Variants in DENND2B observed in about 807,000 individuals in gnomAD.
DENND2B encodes DENN domain-containing protein 2B.
In DENND2B, 32 loss-of-function variants were observed where a neutral mutation model predicts 116.0. The observed-to-expected ratio is 0.28, with a 90% CI of 0.21 to 0.37. The LOEUF is 0.37. Among genes scored for constraint, DENND2B ranks in the 10% least tolerant of loss-of-function variants. The pLI is 1.00. For missense variants in DENND2B, 1,276 were observed against 1,477.7 expected (o/e 0.86, Z 2.24); for synonymous variants, 588 against 583.9 (o/e 1.01, Z -0.10).
At chr11:8,900,423 T>C (rs1449948928) in intron 1 of DENND2B, among the ~76,000 whole-genome samples, 3 of 84,086 alleles carry the variant, frequency 3.6e-5, no homozygotes, top group African/African-American at 7.5e-5. Context: ...AGAGTGAGAC[T>C]CCATCTCAAA....
chr11:8,841,664 A>C (rs543864613), intron 3 of DENND2B, among the ~76,000 whole-genome samples: 2 of 152,104 alleles, frequency 1.3e-5, no homozygotes, highest in South Asian at 4.2e-4. Flanking sequence ...TAAAAGAAAA[A>C]CGTGTTTTGT....
At chr11:8,845,950 G>A (rs565678007) in intron 3 of DENND2B, among the ~76,000 whole-genome samples, 6 of 152,182 alleles carry the variant, frequency 3.9e-5, no homozygotes, top group Non-Finnish European at 5.9e-5. Flanking sequence ...AAAAATACAC[G>A]GTTTCTCTTC....
intron 4 of DENND2B, among the ~76,000 whole-genome samples, chr11:8,822,180 T>TA (rs11445320): frequency 0.26 from 39,257 of 152,078 alleles, 5,344 homozygotes; most frequent in South Asian, 0.36. Context: ...CTACATATTT[T>TA]AAATAATTTC....
intron 4 of DENND2B, among the ~76,000 whole-genome samples, chr11:8,832,779 A>G (rs556525957): frequency 2.6e-5 from 4 of 152,338 alleles, no homozygotes; most frequent in East Asian, 1.9e-4. Context: ...GATTCTGGCA[A>G]TTCAGGGATG....
At chr11:8,873,588 A>T (rs936265353), upstream of DENND2B, among the ~76,000 whole-genome samples, 1 of 152,194 alleles carries the variant, frequency 6.6e-6, no homozygotes, top group Non-Finnish European at 1.5e-5. Flanking sequence ...TATTTTAAAT[A>T]GTAGTAATTT....
intron 3 of DENND2B, chr11:8,839,459 C>G (rs913036224): frequency 6.6e-6 from 1 of 152,060 alleles, no homozygotes; most frequent in Non-Finnish European, 1.5e-5. Flanking sequence ...ATTAGAGGCT[C>G]TGATATTGAC....
chr11:8,829,518 A>G (rs2062121095), intron 4 of DENND2B, among the ~76,000 whole-genome samples: 1 of 152,154 alleles, frequency 6.6e-6, no homozygotes, highest in Non-Finnish European at 1.5e-5. Flanking sequence ...GAAGGACCCA[A>G]GGAGTCCATC....
intron 1 of DENND2B, among the ~76,000 whole-genome samples, chr11:8,760,445 C>T (rs1174759773): frequency 6.6e-6 from 1 of 152,148 alleles, no homozygotes. Flanking sequence ...GAGCGAGACC[C>T]TGTCTTTACT....
At chr11:8,760,372 C>G (rs1039542316) in intron 1 of DENND2B, among the ~76,000 whole-genome samples, 10 of 152,162 alleles carry the variant, frequency 6.6e-5, no homozygotes, top group African/African-American at 1.9e-4. Context: ...AATCCCAGCA[C>G]TTTGGGAGGC....
intron 4 of DENND2B, among the ~76,000 whole-genome samples, chr11:8,722,397 C>A (rs2046341277): frequency 6.6e-6 from 1 of 152,222 alleles, no homozygotes; most frequent in South Asian, 2.1e-4. Flanking sequence ...TGCATGCCTG[C>A]AGGAGCCTGA....
intron 13 of DENND2B, among the ~76,000 whole-genome samples, chr11:8,704,942 TC>T (rs929546766): frequency 6.6e-6 from 1 of 151,728 alleles, no homozygotes; most frequent in African/African-American, 2.4e-5. Context: ...CCTCAAGTGA[TC>T]CCCCCGCCTC....
chr11:8,838,398 G>T (rs565808658), intron 4 of DENND2B, among the ~76,000 whole-genome samples: 9 of 152,280 alleles, frequency 5.9e-5, no homozygotes, highest in African/African-American at 2.2e-4. Context: ...CCGAACTCAC[G>T]TCCACCGCTC....
At chr11:8,789,782 TA>T in intron 1 of DENND2B, among the ~76,000 whole-genome samples, 1 of 147,712 alleles carries the variant, frequency 6.8e-6, no homozygotes, top group East Asian at 2.0e-4. Context: ...CTACAAAAAA[TA>T]AAAAAATAAA....
At chr11:8,872,358 C>T (rs1193576645), upstream of DENND2B, among the ~76,000 whole-genome samples, 4 of 151,788 alleles carry the variant, frequency 2.6e-5, no homozygotes, top group Admixed American at 6.6e-5. Flanking sequence ...TGGTGGCAGG[C>T]GCCTGTAATC....
At chr11:8,877,813 T>C (rs1438881523) in intron 2 of DENND2B, among the ~76,000 whole-genome samples, 1 of 152,224 alleles carries the variant, frequency 6.6e-6, no homozygotes, top group Non-Finnish European at 1.5e-5. Context: ...TATTCATTTG[T>C]TTATTCATTC....
At chr11:8,743,570 T>TA (rs1024042307) in intron 2 of DENND2B, among the ~76,000 whole-genome samples, 24 of 151,772 alleles carry the variant, frequency 1.6e-4, no homozygotes, top group African/African-American at 5.6e-4. Flanking sequence ...ATTTTTTTTT[T>TA]AAATTACTTA....
chr11:8,863,885 T>C (rs915125267), intron 2 of DENND2B, among the ~76,000 whole-genome samples: 7 of 152,102 alleles, frequency 4.6e-5, no homozygotes, highest in African/African-American at 1.7e-4. Flanking sequence ...TTGGACCCAG[T>C]AGAAGAAGCC....
At chr11:8,718,460 G>A in intron 4 of DENND2B, 1 of 1,509,958 alleles carries the variant, frequency 6.6e-7, no homozygotes, top group Non-Finnish European at 8.8e-7. Flanking sequence ...TTTTAGGGCA[G>A]GGTTTTGTGT....
chr11:8,744,385 C>T (rs139375971), intron 2 of DENND2B, among the ~76,000 whole-genome samples: 4,968 of 152,178 alleles, frequency 0.033, 233 homozygotes, highest in East Asian at 0.11. Flanking sequence ...CCACCCGCCT[C>T]GGCCTCCCAA....
Sources: allele counts gnomAD v4.1 joint callset (sites outside exome capture counted in the v4.1 genomes callset), GRCh38; gene constraint gnomAD v4.1.1; transcripts MANE v1.5; gene names NCBI Gene and HGNC (gene_info 2026-07-23, HGNC 2026-07-21).